Variants in ZNF354B observed in about 807,000 individuals in gnomAD.
The protein encoded by ZNF354B is zinc finger protein 354B.
A neutral mutation model predicts 12.9 loss-of-function variants in ZNF354B; 10 were observed. The ratio of observed to expected loss-of-function variants is 0.77; its 90% confidence interval spans 0.48 to 1.31. The LOEUF is 1.31. Ranked by LOEUF, ZNF354B falls within the 40% of genes most tolerant of loss-of-function variation. ZNF354B has a pLI of 0.00. For synonymous variants in ZNF354B, 260 were observed against 243.7 expected (o/e 1.07, Z -0.62); for missense variants, 614 against 711.7 (o/e 0.86, Z 1.56).
intron 4 of ZNF354B, among the ~76,000 whole-genome samples, chr5:178,880,227 G>A (rs1275903401): frequency 6.6e-5 from 10 of 150,572 alleles, no homozygotes; most frequent in Middle Eastern, 3.5e-3. Flanking sequence ...TTTAGACGGG[G>A]TCTCACTCTG....
rs756866862 is a variant in ZNF354B, at chr5:178,883,689, A to T, written c.1237A>T (p.Asn413Tyr). The change falls in exon 5 of 5, where the codon AAT becomes TAT. Residue 413 changes from asparagine (N) to tyrosine (Y), a missense_variant. Physicochemically the swap from Asn to Tyr is moderately radical, Grantham distance 143. Transcript: ENST00000322434. ...IHTGEKPYRC[N>Y]ECGKGFTSIS... The stretch of plus-strand genomic sequence containing the variant: ...CACCGGAGAAAAGCCCTATAGATGC[A>T]ATGAATGTGGGAAAGGCTTTACTTC... 4 of 1,614,130 alleles carry T rather than the reference A, an allele frequency of 2.5e-6. No homozygotes were observed. Among genetic ancestry groups the T allele is most frequent in the Non-Finnish European group, 3.4e-6 (4 of 1,179,990 alleles).
intron 4 of ZNF354B, among the ~76,000 whole-genome samples, chr5:178,878,828 A>C (rs770476100): frequency 6.6e-6 from 1 of 151,568 alleles, no homozygotes; most frequent in Non-Finnish European, 1.5e-5. Context: ...TAGCCTCCCA[A>C]GTAGCTGGGA....
chr5:178,875,269 C>T (rs1036244152), intron 4 of ZNF354B, among the ~76,000 whole-genome samples: 28 of 152,276 alleles, frequency 1.8e-4, no homozygotes, highest in Admixed American at 1.2e-3. Flanking sequence ...GAAGGGACTC[C>T]GGTTGGTGGT....
At chr5:178,867,556 A>G (rs1021327738) in intron 4 of ZNF354B, among the ~76,000 whole-genome samples, 2 of 152,128 alleles carry the variant, frequency 1.3e-5, no homozygotes, top group African/African-American at 2.4e-5. Flanking sequence ...GTTGGTGTGA[A>G]TCAGAAACAG....
At chr5:178,868,131 G>T (rs1368470172) in intron 4 of ZNF354B, among the ~76,000 whole-genome samples, 1 of 151,668 alleles carries the variant, frequency 6.6e-6, no homozygotes, top group Admixed American at 6.6e-5. Flanking sequence ...TGTGAGTGAA[G>T]TCGTCAGGTG....
chr5:178,865,635 A>G (rs1757435652), intron 2 of ZNF354B, among the ~76,000 whole-genome samples: 2 of 152,044 alleles, frequency 1.3e-5, no homozygotes, highest in South Asian at 4.1e-4. Context: ...AACGATAACT[A>G]TTTTCTTCAT....
intron 4 of ZNF354B, among the ~76,000 whole-genome samples, chr5:178,872,353 CA>C (rs1324310855): frequency 6.6e-6 from 1 of 151,984 alleles, no homozygotes; most frequent in Admixed American, 6.6e-5. Flanking sequence ...AGTCGTGTTC[CA>C]TAGAGTATAT....
At chr5:178,865,798 C>T (rs1346773405) in intron 2 of ZNF354B, among the ~76,000 whole-genome samples, 2 of 152,060 alleles carry the variant, frequency 1.3e-5, no homozygotes, top group African/African-American at 2.4e-5. Flanking sequence ...ACAGGTAGTG[C>T]CGTAAGTTAT....
intron 2 of ZNF354B, among the ~76,000 whole-genome samples, chr5:178,861,968 G>C (rs1010379676): frequency 3.9e-5 from 6 of 152,170 alleles, no homozygotes; most frequent in African/African-American, 1.4e-4. Context: ...GCATATGGTG[G>C]TTGTGTTTGC....
intron 4 of ZNF354B, among the ~76,000 whole-genome samples, chr5:178,880,101 G>C (rs1757696046): frequency 6.6e-6 from 1 of 152,162 alleles, no homozygotes; most frequent in Non-Finnish European, 1.5e-5. Context: ...ACTTCAGCCT[G>C]GGCGACAGAG....
intron 4 of ZNF354B, among the ~76,000 whole-genome samples, chr5:178,876,770 G>T (rs555581753): frequency 6.6e-6 from 1 of 151,966 alleles, no homozygotes; most frequent in East Asian, 1.9e-4. Context: ...ACTTCGATTT[G>T]TTCATTATTT....
At chr5:178,866,418 T>C (rs1757457313) in intron 3 of ZNF354B, 48 bp downstream of exon 3, 1 of 1,584,194 alleles carries the variant, frequency 6.3e-7, no homozygotes, top group Non-Finnish European at 8.6e-7. Flanking sequence ...TTGGGATATC[T>C]CAGCACCTCC....
intron 2 of ZNF354B, among the ~76,000 whole-genome samples, 155 bp from the exon 3 acceptor site, chr5:178,866,089 G>C (rs1179113835): frequency 6.6e-6 from 1 of 152,212 alleles, no homozygotes; most frequent in Non-Finnish European, 1.5e-5. Context: ...GTATACATTT[G>C]TTACTGGCCA....
intron 4 of ZNF354B, among the ~76,000 whole-genome samples, chr5:178,871,487 A>G (rs1385767071): frequency 6.6e-6 from 1 of 152,026 alleles, no homozygotes; most frequent in Admixed American, 6.5e-5. Context: ...TTCCCTCTCC[A>G]TGCTTAGCGC....
intron 2 of ZNF354B, among the ~76,000 whole-genome samples, chr5:178,863,680 C>T (rs1367671875): frequency 6.6e-6 from 1 of 152,132 alleles, no homozygotes; most frequent in Non-Finnish European, 1.5e-5. Context: ...CAGGCAGGTT[C>T]TTTGAGAGGT....
Position 178,864,127 on chromosome 5 carries a change from A to G in ZNF354B, c.34-2117A>G, listed in dbSNP as rs1320853812. Among the ~76,000 whole-genome samples, 5 of 152,366 alleles carry G rather than the reference A, an allele frequency of 3.3e-5. 1 individual carries two copies. The East Asian group carries it at 7.7e-4, about 23-fold the overall frequency. On this transcript the variant is annotated intron_variant, in intron 2 of 4. Coordinates refer to ENST00000322434, the MANE Select transcript of ZNF354B (RefSeq NM_058230.3). ...TTTAAAATGTCTACAGTCATGCACA[A>G]TAGTGTCCTAAGTTTCACATTCACT...
At chr5:178,881,523 A>G (rs1581816884) in intron 4 of ZNF354B, among the ~76,000 whole-genome samples, 1 of 111,048 alleles carries the variant, frequency 9.0e-6, no homozygotes, top group Non-Finnish European at 1.9e-5. Flanking sequence ...GTCATTCAAG[A>G]CTGGTATAAA....
chr5:178,874,110 C>T (rs1426232307), intron 4 of ZNF354B, among the ~76,000 whole-genome samples: 1 of 152,140 alleles, frequency 6.6e-6, no homozygotes, highest in East Asian at 1.9e-4. Flanking sequence ...GTGTGCACCA[C>T]TATGCCCAGC....
At chr5:178,882,259 T>C (rs1195463358) in intron 4 of ZNF354B, among the ~76,000 whole-genome samples, 3 of 152,208 alleles carry the variant, frequency 2.0e-5, no homozygotes, top group Non-Finnish European at 4.4e-5. Context: ...GAGTGAGTTG[T>C]TGGAACTCAA....
Sources: allele counts gnomAD v4.1 joint callset (sites outside exome capture counted in the v4.1 genomes callset), GRCh38; gene constraint gnomAD v4.1.1; transcripts MANE v1.5; gene names NCBI Gene and HGNC (gene_info 2026-07-23, HGNC 2026-07-21).